The following EPS8 variants were observed in gnomAD, a reference collection of about 807,000 sequenced individuals.
The protein encoded by EPS8 is EGFR pathway substrate 8, signaling adaptor.
Under a neutral mutation model 103.8 loss-of-function variants are expected in EPS8, and 42 were observed. The ratio of observed to expected loss-of-function variants is 0.40; its 90% CI spans 0.32 to 0.52. The LOEUF is 0.52. EPS8 is among the 20% of genes least tolerant of loss of function. The probability of loss-of-function intolerance (pLI) is 0.40; values close to 1 mark genes in which losing one functional copy is unlikely to be tolerated. For missense variants in EPS8, 969 were observed against 1,005.1 expected (o/e 0.96, Z 0.49); for synonymous variants, 344 against 344.6 (o/e 1.00, Z 0.02).
chr12:15,723,670 AT>A (rs1356235611), intron 1 of EPS8, among the ~76,000 whole-genome samples: 1 of 152,204 alleles, frequency 6.6e-6, no homozygotes. Flanking sequence ...TGTATTCTCA[AT>A]AACATCCTTA....
At chr12:15,623,090 G>A (rs1399768479) in intron 20 of EPS8, 68 bp downstream of exon 20, 9 of 1,483,062 alleles carry the variant, frequency 6.1e-6, no homozygotes, top group Non-Finnish European at 8.2e-6. Context: ...GGCCAATATG[G>A]ACATAAATAG....
At chr12:15,671,559 T>C (rs187730028) in intron 3 of EPS8, 2 of 152,140 alleles carry the variant, frequency 1.3e-5, no homozygotes, top group African/African-American at 4.8e-5. Context: ...TAGAAAGTTA[T>C]TGCACCAAAC....
At position 15,734,686 on chromosome 12, in the gene EPS8, T is replaced by C. The variant is rs1426001383; in HGVS notation, c.-21-51714A>G. Among the ~76,000 whole-genome samples the C allele has an allele frequency of 1.3e-5, 2 of 151,698 alleles. No individual in the cohort carries two copies. The highest frequency in any genetic ancestry group is 3.9e-4 in the East Asian group (2 of 5,164). On this transcript the variant is annotated intron_variant, in intron 1 of 20. Coordinates refer to ENST00000281172, the MANE Select transcript of EPS8 (RefSeq NM_004447.6). The surrounding 1 kb of genome is among the most constrained non-coding windows in gnomAD (Gnocchi z 4.1). ...TCCAGCCTGGGCGACAGAGCGAGAC[T>C]CCGTACAGAGCGAGACTCTGTCTCA...
intron 20 of EPS8, among the ~76,000 whole-genome samples, chr12:15,621,727 A>C (rs920432762): frequency 6.6e-6 from 1 of 152,214 alleles, no homozygotes; most frequent in African/African-American, 2.4e-5. Flanking sequence ...GAAAGAGGAA[A>C]TGTGTACAAT....
At chr12:15,641,157 C>G (rs1332642704) in intron 16 of EPS8, among the ~76,000 whole-genome samples, 1 of 152,008 alleles carries the variant, frequency 6.6e-6, no homozygotes, top group Admixed American at 6.6e-5. Flanking sequence ...TTGGAAAGCC[C>G]CATTGTCTCC....
chr12:15,724,238 A>C (rs1052825360), intron 1 of EPS8, among the ~76,000 whole-genome samples: 1 of 150,110 alleles, frequency 6.7e-6, no homozygotes, highest in African/African-American at 2.5e-5. Context: ...ACATTAGGTA[A>C]ACATGAGACT....
At chr12:15,729,623 G>C (rs577692608) in intron 1 of EPS8, among the ~76,000 whole-genome samples, 1 of 152,136 alleles carries the variant, frequency 6.6e-6, no homozygotes, top group South Asian at 2.1e-4. Flanking sequence ...GATATATTCT[G>C]TTCTCATTTT....
intron 2 of EPS8, among the ~76,000 whole-genome samples, chr12:15,681,561 T>C (rs1339814166): frequency 4.0e-5 from 6 of 151,310 alleles, no homozygotes; most frequent in Non-Finnish European, 8.8e-5. Flanking sequence ...AGAAACCCCA[T>C]CTCTACCGAA....
chr12:15,757,036 C>G lies in EPS8; in HGVS notation c.-22+32125G>C, dbSNP rs139541506. 3.3e-3 allele frequency among the ~76,000 whole-genome samples: 500 copies of G among 152,294 alleles called. 2 individuals carry two copies. Among genetic ancestry groups the G allele is most frequent in the African/African-American group, 0.011 (472 of 41,562 alleles). The stretch of plus-strand genomic sequence containing the variant: ...ATTAAGTATTACCCAATCTACACCC[C>G]TTAAATGCCATTCATGTTAGTTTTC... On this transcript the variant is annotated intron_variant, in intron 1 of 20. Coordinates refer to ENST00000281172, the MANE Select transcript of EPS8 (RefSeq NM_004447.6). This position sits in a 1 kb window ranked among gnomAD's most constrained non-coding sequence, Gnocchi z 4.1.
rs1003042029 is a variant in EPS8, at chr12:15,759,386, A to T, written c.-22+29775T>A. 6.6e-6 allele frequency among the ~76,000 whole-genome samples: 1 copy of T among 152,178 alleles called. No homozygotes were observed. Among genetic ancestry groups the T allele is most frequent in the Non-Finnish European group, 1.5e-5 (1 of 67,988 alleles). ...CAACACAACTAATTTTATGCAATAA[A>T]AAAATTATAATGACCATCTACTGTA... is the stretch of plus-strand genomic sequence containing the variant. On this transcript the variant is annotated intron_variant, in intron 1 of 20. Transcript: ENST00000281172. The surrounding 1 kb of genome is among the most constrained non-coding windows in gnomAD (Gnocchi z 4.9).
rs181933855 is a variant in EPS8, at chr12:15,725,982, A to G, written c.-21-43010T>C. 2.5e-3 allele frequency among the ~76,000 whole-genome samples: 377 copies of G among 152,316 alleles called. 1 individual carries two copies. The highest frequency in any genetic ancestry group is 9.0e-3 in the African/African-American group (374 of 41,578). ...CATACACTGAACAGCATAAACACTG[A>G]ACAAAACATAAATCTAATAAAAAAT... On this transcript the variant is annotated intron_variant, in intron 1 of 20. Transcript: ENST00000281172. The surrounding 1 kb of genome is among the most constrained non-coding windows in gnomAD (Gnocchi z 4.5).
In EPS8 at chr12:15,761,991, G is replaced by C. The variant is rs1362900778; in HGVS notation, c.-22+27170C>G. On this transcript the variant is annotated intron_variant, in intron 1 of 20. Coordinates refer to ENST00000281172, the MANE Select transcript of EPS8 (RefSeq NM_004447.6). The surrounding 1 kb of genome is among the most constrained non-coding windows in gnomAD (Gnocchi z 4.5). Reference sequence around the variant, plus strand: ...AGCAAATGAAACAACAAAGTGAAGAGACAACCCACAGAATCAGAGAAAATA... The same window carrying C: ...AGCAAATGAAACAACAAAGTGAAGACACAACCCACAGAATCAGAGAAAATA... 6.6e-6 allele frequency among the ~76,000 whole-genome samples: 1 copy of C among 150,554 alleles called. No homozygotes were observed.
rs1445466840 is a variant in EPS8, at chr12:15,700,512, CAG to C, written c.-21-17542_-21-17541del. Among the ~76,000 whole-genome samples the C allele has an allele frequency of 6.6e-6, 1 of 152,050 alleles. No individual in the cohort carries two copies. Among genetic ancestry groups the C allele is most frequent in the Non-Finnish European group, 1.5e-5 (1 of 68,000 alleles). On this transcript the variant is annotated intron_variant, in intron 1 of 20. Coordinates refer to ENST00000281172, the MANE Select transcript of EPS8 (RefSeq NM_004447.6). The surrounding 1 kb of genome is among the most constrained non-coding windows in gnomAD (Gnocchi z 5.1). ...TTCTGAAGCAAAATTGGTGTGAAAA[CAG>C]AAACTAATTTAGAAGTATAGAATTA...
chr12:15,750,347 T>C (rs957486420), intron 1 of EPS8, among the ~76,000 whole-genome samples: 1 of 152,146 alleles, frequency 6.6e-6, no homozygotes, highest in Non-Finnish European at 1.5e-5. Context: ...TTTGATCCCA[T>C]AAGCAGTCCA....
In EPS8 at chr12:15,726,795, T is replaced by C. The variant is rs567757745; in HGVS notation, c.-21-43823A>G. On this transcript the variant is annotated intron_variant, in intron 1 of 20. Coordinates refer to ENST00000281172, the MANE Select transcript of EPS8 (RefSeq NM_004447.6). ...ATAAAGATTTACCGAGTGCCTACTA[T>C]GTAGTGTGTACTATATTAGGGATAA... 2.6e-5 allele frequency among the ~76,000 whole-genome samples: 4 copies of C among 152,348 alleles called. No homozygotes were observed. In the East Asian group the frequency reaches 5.8e-4, roughly 22 times the overall value.
Position 15,767,043 on chromosome 12 carries a change from T to A in EPS8, c.-22+22118A>T, listed in dbSNP as rs139362807. On this transcript the variant is annotated intron_variant, in intron 1 of 20. Transcript: ENST00000281172. The surrounding 1 kb of genome is among the most constrained non-coding windows in gnomAD (Gnocchi z 5.5). ...TATATATATATGATGACAATGATGATGGTGGTGGTGAGAATGATGATGGAG... is the reference window on the plus strand; with the variant it reads ...TATATATATATGATGACAATGATGAAGGTGGTGGTGAGAATGATGATGGAG... Among the ~76,000 whole-genome samples, 1 of 152,138 alleles carries A rather than the reference T, an allele frequency of 6.6e-6. No individual in the cohort carries two copies. The highest frequency in any genetic ancestry group is 6.5e-5 in the Admixed American group (1 of 15,278).
Position 15,658,067 on chromosome 12 carries a change from A to C in EPS8, c.1101+12T>G. 3 of 1,519,838 alleles carry C rather than the reference A, an allele frequency of 2.0e-6. No individual in the cohort carries two copies. Among genetic ancestry groups the C allele is most frequent in the Admixed American group, 3.3e-5 (2 of 59,754 alleles). The allele number at this position is 1,519,838 out of a possible 1,614,324, so 94.1% of individuals were successfully genotyped here. A position where few individuals can be genotyped will look rare whatever the true frequency, so the allele number is the denominator to read the frequency against. On this transcript the variant is annotated intron_variant, in intron 12 of 20. Coordinates refer to ENST00000281172, the MANE Select transcript of EPS8 (RefSeq NM_004447.6). ...CTAAGAACGATTCTTTCTTAAACTA[A>C]TAAAATCTCACCATATTTAATGGAG...
chr12:15,775,549 G>A (rs922391427), intron 1 of EPS8, among the ~76,000 whole-genome samples: 7 of 152,082 alleles, frequency 4.6e-5, no homozygotes, highest in Non-Finnish European at 1.0e-4. Flanking sequence ...TACAAAATGT[G>A]AATATCATTA....
chr12:15,784,293 C>A lies in EPS8; in HGVS notation c.-22+4868G>T, dbSNP rs1050849385. 9.9e-5 allele frequency among the ~76,000 whole-genome samples: 15 copies of A among 151,994 alleles called. No individual in the cohort carries two copies. The highest frequency in any genetic ancestry group is 3.6e-4 in the African/African-American group (15 of 41,392). On this transcript the variant is annotated intron_variant, in intron 1 of 20. Coordinates refer to ENST00000281172, the MANE Select transcript of EPS8 (RefSeq NM_004447.6). This position sits in a 1 kb window ranked among gnomAD's most constrained non-coding sequence, Gnocchi z 4.0. ...ATGTATAAAGAACTCTTAAAATCAACAATAAGAAAACAACCCCATTAAAAA... is the reference window on the plus strand; with the variant it reads ...ATGTATAAAGAACTCTTAAAATCAAAAATAAGAAAACAACCCCATTAAAAA...
Sources: gnomAD v4.1 joint callset for allele counts (sites outside exome capture counted in the v4.1 genomes callset) on GRCh38, gnomAD v4.1.1 for gene constraint, Gnocchi (gnomAD v3.1) non-coding constraint, MANE v1.5 for transcripts, NCBI Gene and HGNC (gene_info 2026-07-23, HGNC 2026-07-21) for gene names.